SDF2: variants seen among roughly 807,000 people sequenced by gnomAD.
The protein encoded by SDF2 is stromal cell-derived factor 2.
A neutral mutation model predicts 20.5 loss-of-function variants in SDF2; 12 were observed. The observed-to-expected ratio is 0.58, with a 90% confidence interval of 0.37 to 0.95. The LOEUF is 0.95. Among genes scored for constraint, SDF2 ranks in the 40% least tolerant of loss-of-function variants. SDF2 has a pLI of 0.01. For missense variants in SDF2, 238 were observed against 263.1 expected (o/e 0.90, Z 0.66); for synonymous variants, 100 against 101.0 (o/e 0.99, Z 0.06).
chr17:28,660,245 A>G (rs911184715), intron 1 of SDF2, among the ~76,000 whole-genome samples: 3 of 152,238 alleles, frequency 2.0e-5, no homozygotes, highest in Non-Finnish European at 2.9e-5. Flanking sequence ...GAAAGAGAGA[A>G]GAGACAAGAG....
chr17:28,658,757 G>A (rs1019323504), intron 1 of SDF2, among the ~76,000 whole-genome samples: 13 of 152,070 alleles, frequency 8.5e-5, no homozygotes, highest in Non-Finnish European at 1.3e-4. Context: ...GCCCATTCTC[G>A]ATGGTCGCTG....
At chr17:28,660,463 A>C (rs1168554715) in intron 1 of SDF2, 1 of 152,306 alleles carries the variant, frequency 6.6e-6, no homozygotes, top group Admixed American at 6.5e-5. Flanking sequence ...TCTCAGGCTC[A>C]GCACAGATCC....
chr17:28,661,755 A>C lies in SDF2; in HGVS notation c.122T>G (p.Leu41Arg), dbSNP rs1380352244. 1.2e-6 allele frequency: 2 copies of C among 1,613,908 alleles called. No individual in the cohort carries two copies. The highest frequency in any genetic ancestry group is 1.7e-6 in the Non-Finnish European group (2 of 1,179,968). Residue 41 changes from leucine (L) to arginine (R), a missense_variant, in exon 1 of 3, where the codon CTG (leucine) becomes CGG (arginine). Leu to Arg is a moderately radical substitution (Grantham distance 102, BLOSUM62 -2). Transcript: ENST00000247020. Reference protein sequence around the residue: ...KLLNTRHNVRLHSHDVRYGSG... With the variant: ...KLLNTRHNVRRHSHDVRYGSG... ...CCCATAGCGCACGTCGTGTGAGTGC[A>C]GTCGGACGTTGTGGCGCGTATTGAG...
At chr17:28,660,234 G>A (rs1235338374) in intron 1 of SDF2, among the ~76,000 whole-genome samples, 2 of 152,214 alleles carry the variant, frequency 1.3e-5, no homozygotes, top group African/African-American at 4.8e-5. Flanking sequence ...GGGAGACCGT[G>A]GAAAGAGAGA....
At chr17:28,656,633 A>G (rs888450664) in intron 1 of SDF2, among the ~76,000 whole-genome samples, 1 of 152,174 alleles carries the variant, frequency 6.6e-6, no homozygotes, top group Non-Finnish European at 1.5e-5. Context: ...ACTAGTTACT[A>G]TATGATAAAG....
chr17:28,655,576 C>G, intron 1 of SDF2, 93 bp from the exon 2 acceptor site: 1 of 1,081,886 alleles, frequency 9.2e-7, no homozygotes, highest in Non-Finnish European at 1.4e-6. Flanking sequence ...TTCACCTTCA[C>G]CTGTAACCCA....
upstream of SDF2, chr17:28,662,091 G>A (rs2072059907): frequency 2.1e-6 from 1 of 472,446 alleles, no homozygotes; most frequent in Non-Finnish European, 3.7e-6. Context: ...CTGCCTTCCT[G>A]AGCCGCTTCG....
At position 28,661,719 on chromosome 17, in the gene SDF2, G is replaced by C. The variant is rs1376654526; in HGVS notation, c.151+7C>G. 2 of 1,610,794 alleles carry C rather than the reference G, an allele frequency of 1.2e-6. No individual in the cohort carries two copies. Among genetic ancestry groups the C allele is most frequent in the African/African-American group, 2.7e-5 (2 of 74,956 alleles). On this transcript the variant is annotated splice_region_variant and intron_variant, in intron 1 of 2. Coordinates refer to ENST00000247020, the MANE Select transcript of SDF2 (RefSeq NM_006923.4). The stretch of plus-strand genomic sequence containing the variant: ...CTAGCCCACCCGAGCCCGGTCCCCA[G>C]CATTACCTGACCCATAGCGCACGTC...
rs576296321 is a variant in SDF2 at position 28,655,810 on chromosome 17, C to T, written c.152-327G>A. On this transcript the variant is annotated intron_variant, in intron 1 of 2. Coordinates refer to ENST00000247020, the MANE Select transcript of SDF2 (RefSeq NM_006923.4). Reference sequence around the variant, plus strand: ...TGGCCCTTTGTGCCGAACACCAAATCAACCCAATTAAGGTTGATGACCTTA... The same window carrying T: ...TGGCCCTTTGTGCCGAACACCAAATTAACCCAATTAAGGTTGATGACCTTA... 2.4e-4 allele frequency: 86 copies of T among 351,178 alleles called. 1 individual carries two copies. The South Asian group carries it at 3.8e-3, about 15-fold the overall frequency. 21.8% of individuals were successfully genotyped at this position (351,178 alleles called of 1,614,324 possible).
At chr17:28,658,464 C>T (rs567264851) in intron 1 of SDF2, among the ~76,000 whole-genome samples, 154 of 152,264 alleles carry the variant, frequency 1.0e-3, no homozygotes, top group African/African-American at 3.5e-3. Flanking sequence ...TGACTCTTAA[C>T]GAGCATGCTG....
intron 2 of SDF2, among the ~76,000 whole-genome samples, chr17:28,649,503 A>C (rs1052041635): frequency 6.6e-6 from 1 of 152,100 alleles, no homozygotes; most frequent in South Asian, 2.1e-4. Flanking sequence ...TAAAAAAAAT[A>C]CAAAAGAAAT....
In SDF2 at chr17:28,661,863, G is replaced by A. The variant is rs375961606; in HGVS notation, c.14C>T (p.Pro5Leu). 12 of 1,613,300 alleles carry A rather than the reference G, an allele frequency of 7.4e-6. No individual in the cohort carries two copies. Among genetic ancestry groups the A allele is most frequent in the Admixed American group, 1.7e-5 (1 of 59,980 alleles). Residue 5 changes from proline (P) to leucine (L), a missense_variant, in exon 1 of 3, where the codon CCT (proline) becomes CTT (leucine). By Grantham distance (98) the Pro-to-Leu change is moderately conservative. Coordinates refer to ENST00000247020, the MANE Select transcript of SDF2 (RefSeq NM_006923.4). ...CCACAAACCCCCCAACAACAGCAGA[G>A]GTACTACAGCCATCCTAACTGTATC... MAVV[P>L]LLLLGGLWSA... is the part of the protein sequence containing the mutation.
At chr17:28,656,766 T>G (rs970957031) in intron 1 of SDF2, among the ~76,000 whole-genome samples, 8 of 152,230 alleles carry the variant, frequency 5.3e-5, no homozygotes, top group Non-Finnish European at 7.3e-5. Flanking sequence ...CTAGCCTGGA[T>G]AGCCCCTAAT....
At chr17:28,662,021 A>T (rs926634037), upstream of SDF2, 16 of 918,736 alleles carry the variant, frequency 1.7e-5, no homozygotes, top group African/African-American at 3.4e-5. Context: ...GCGGCCTGAG[A>T]AACCGGCTGA....
chr17:28,661,597 T>C (rs986360397), intron 1 of SDF2, 129 bp downstream of exon 1: 5 of 960,534 alleles, frequency 5.2e-6, no homozygotes, highest in African/African-American at 3.3e-5. Flanking sequence ...TCCGACTCTC[T>C]AGACCTGAGG....
intron 2 of SDF2, 112 bp downstream of exon 2, chr17:28,655,175 T>C: frequency 9.8e-7 from 1 of 1,024,962 alleles, no homozygotes; most frequent in Non-Finnish European, 1.5e-6. Context: ...TCCCCAGGTC[T>C]GCACAAAAGA....
chr17:28,655,552 G>C (rs1020575087), intron 1 of SDF2, 69 bp from the exon 2 acceptor site: 1 of 1,390,426 alleles, frequency 7.2e-7, no homozygotes, highest in African/African-American at 1.4e-5. Flanking sequence ...ACAGAAGCTT[G>C]AGTGCGCTCA....
At chr17:28,655,145 C>T in intron 2 of SDF2, 142 bp downstream of exon 2, 2 of 785,868 alleles carry the variant, frequency 2.5e-6, no homozygotes, top group Non-Finnish European at 4.1e-6. Context: ...AACAAAAACC[C>T]ACACAAAAAT....
In SDF2 at chr17:28,651,292, A is replaced by G. The variant is rs189773255; in HGVS notation, c.349-2016T>C. ...TTGACCAGGCTGGTCTCAAACTCCC[A>G]GCCTCAAGTGATCCACCTACCTCAG... On this transcript the variant is annotated intron_variant, in intron 2 of 2. Coordinates refer to ENST00000247020, the MANE Select transcript of SDF2 (RefSeq NM_006923.4). Among the ~76,000 whole-genome samples, 623 of 152,340 alleles carry G rather than the reference A, an allele frequency of 4.1e-3. 3 individuals are homozygous for G. Among genetic ancestry groups the G allele is most frequent in the Non-Finnish European group, 6.8e-3 (465 of 68,026 alleles).
Sources: allele counts gnomAD v4.1 joint callset (sites outside exome capture counted in the v4.1 genomes callset), GRCh38; gene constraint gnomAD v4.1.1; transcripts MANE v1.5; gene names NCBI Gene and HGNC (gene_info 2026-07-23, HGNC 2026-07-21).